The following RAB3GAP2 variants were observed in gnomAD, a reference collection of about 807,000 sequenced individuals.
RAB3GAP2 encodes the protein RAB3 GTPase activating non-catalytic protein subunit 2.
A neutral mutation model predicts 185.3 loss-of-function variants in RAB3GAP2; 87 were observed. The ratio of observed to expected loss-of-function variants is 0.47; its 90% CI spans 0.39 to 0.56. The LOEUF (loss-of-function observed/expected upper bound fraction) is 0.56. Ranked by LOEUF, RAB3GAP2 falls within the 20% of genes least tolerant of loss-of-function variation. The pLI is 0.00. For missense variants in RAB3GAP2, 1,492 were observed against 1,638.2 expected, an observed-to-expected ratio of 0.91 and a Z score of 1.54; for synonymous variants, 554 against 576.1, an observed-to-expected ratio of 0.96 and a Z score of 0.55.
intron 21 of RAB3GAP2, among the ~76,000 whole-genome samples, chr1:220,174,593 C>A (rs1313928337): frequency 6.6e-6 from 1 of 152,128 alleles, no homozygotes; most frequent in African/African-American, 2.4e-5. Context: ...ACTATAGTCA[C>A]CCTGTTGTGC....
At chr1:220,236,148 G>C (rs987967165) in intron 1 of RAB3GAP2, among the ~76,000 whole-genome samples, 1 of 152,018 alleles carries the variant, frequency 6.6e-6, no homozygotes, top group East Asian at 1.9e-4. Flanking sequence ...TTGCCAGTGG[G>C]GCAATACCCT....
intron 20 of RAB3GAP2, 117 bp from the exon 21 acceptor site, chr1:220,182,471 T>A: frequency 1.1e-4 from 148 of 1,331,352 alleles, no homozygotes; most frequent in Middle Eastern, 1.9e-4. Context: ...GGAAGAGAAA[T>A]TAATTGTTCA....
chr1:220,149,150 A>G lies in RAB3GAP2; in HGVS notation c.*2101T>C, dbSNP rs772737124. The G allele has an allele frequency of 8.5e-5, 13 of 152,104 alleles. No homozygotes were observed. The highest frequency in any genetic ancestry group is 7.4e-5 in the Non-Finnish European group (5 of 68,018). The allele number at this position is 152,104 out of a possible 1,614,324, so 9.4% of individuals were successfully genotyped here. A position where few individuals can be genotyped will look rare whatever the true frequency, so the allele number is the denominator to read the frequency against. On this transcript the variant is annotated 3_prime_UTR_variant, in exon 35 of 35. Transcript: ENST00000358951. ...ATTTGCCTTTCTTCCTATCAATCAG[A>G]TTTATTTATTTTAAAAGCCCTTGAT...
chr1:220,162,234 A>T lies in RAB3GAP2; in HGVS notation c.3189T>A (p.Val1063=), dbSNP rs773080420. 1 of 1,595,838 alleles carries T rather than the reference A, an allele frequency of 6.3e-7. No individual in the cohort carries two copies. Among genetic ancestry groups the T allele is most frequent in the South Asian group, 1.1e-5 (1 of 90,690 alleles). ...IALMMWNTFL[V]KRFSAATYLM... ...AGTATGTAGCAGCAGAAAATCTTTTAACTAAGAACGTATTCCACATCATCA... is the reference window on the plus strand; with the variant it reads ...AGTATGTAGCAGCAGAAAATCTTTTTACTAAGAACGTATTCCACATCATCA... The change falls in exon 28 of 35, where the codon GTT becomes GTA. Residue 1063 remains valine, a synonymous_variant. Transcript: ENST00000358951.
chr1:220,265,719 G>A lies in RAB3GAP2; in HGVS notation c.115+6504C>T, dbSNP rs1032994123. ...GTGGGAGGATCACTTAAGCCCAGGA[G>A]TTCAAGACCTGCTTGGGCAACACAG... On this transcript the variant is annotated intron_variant, in intron 1 of 34. Transcript: ENST00000358951. Among the ~76,000 whole-genome samples, 25 of 152,118 alleles carry A rather than the reference G, an allele frequency of 1.6e-4. No homozygotes were observed. The South Asian group carries it at 1.9e-3, about 11-fold the overall frequency.
At chr1:220,176,614 G>A (rs1165696784) in intron 21 of RAB3GAP2, among the ~76,000 whole-genome samples, 1 of 152,164 alleles carries the variant, frequency 6.6e-6, no homozygotes, top group Non-Finnish European at 1.5e-5. Flanking sequence ...TAGCCTTGTG[G>A]TGCTGCTCTC....
At chr1:220,204,743 C>G (rs371784038) in intron 8 of RAB3GAP2, among the ~76,000 whole-genome samples, 3 of 125,256 alleles carry the variant, frequency 2.4e-5, no homozygotes, top group Admixed American at 8.4e-5. Context: ...CCCCTCCCCC[C>G]ACCCCACAAC....
At chr1:220,194,261 A>G (rs1232183932) in intron 12 of RAB3GAP2, among the ~76,000 whole-genome samples, 1 of 151,986 alleles carries the variant, frequency 6.6e-6, no homozygotes, top group East Asian at 1.9e-4. Context: ...AAAAAAAGCA[A>G]CAAAAATCAT....
intron 2 of RAB3GAP2, among the ~76,000 whole-genome samples, chr1:220,225,444 T>C (rs1301986202): frequency 6.6e-6 from 1 of 152,182 alleles, no homozygotes; most frequent in Non-Finnish European, 1.5e-5. Flanking sequence ...ATCAGCGCTA[T>C]TGACATCTGG....
At chr1:220,258,611 C>A (rs1456898102) in intron 1 of RAB3GAP2, among the ~76,000 whole-genome samples, 2 of 152,172 alleles carry the variant, frequency 1.3e-5, no homozygotes, top group Admixed American at 6.5e-5. Context: ...CCTTGTATGA[C>A]AAACCCACAG....
At chr1:220,268,552 C>T (rs1429669847) in intron 1 of RAB3GAP2, among the ~76,000 whole-genome samples, 1 of 152,174 alleles carries the variant, frequency 6.6e-6, no homozygotes, top group Non-Finnish European at 1.5e-5. Flanking sequence ...GTACACATTG[C>T]TTTCACATTA....
intron 1 of RAB3GAP2, chr1:220,253,818 G>T: frequency 6.2e-7 from 1 of 1,612,282 alleles, no homozygotes; most frequent in Non-Finnish European, 8.5e-7. Context: ...ATCAGGAGCA[G>T]TATGCAGAGG....
At chr1:220,253,960 C>G (rs191795007) in intron 1 of RAB3GAP2, 24 of 1,613,642 alleles carry the variant, frequency 1.5e-5, no homozygotes, top group Admixed American at 1.2e-4. Context: ...TGAGACCCCT[C>G]AGCCTCCTTG....
intron 12 of RAB3GAP2, 146 bp from the exon 13 acceptor site, chr1:220,193,525 T>C: frequency 1.2e-6 from 1 of 812,506 alleles, no homozygotes. Context: ...GTTAATTTAT[T>C]AATCACAACT....
At chr1:220,211,172 A>G in intron 4 of RAB3GAP2, 170 bp from the exon 5 acceptor site, 2 of 713,140 alleles carry the variant, frequency 2.8e-6, no homozygotes, top group Non-Finnish European at 2.5e-6. Flanking sequence ...AAGGTCCATA[A>G]AATTCATTCA....
At chr1:220,242,618 G>A (rs1014457947) in intron 1 of RAB3GAP2, among the ~76,000 whole-genome samples, 1 of 152,100 alleles carries the variant, frequency 6.6e-6, no homozygotes, top group Non-Finnish European at 1.5e-5. Context: ...CTAGTATCAG[G>A]TATTGTTTTT....
intron 2 of RAB3GAP2, among the ~76,000 whole-genome samples, chr1:220,218,412 C>G (rs1478754498): frequency 6.6e-6 from 1 of 152,138 alleles, no homozygotes; most frequent in Admixed American, 6.5e-5. Context: ...CCATAAAATT[C>G]TAGATCTAAA....
At chr1:220,190,757 C>A (rs1658600871) in intron 14 of RAB3GAP2, among the ~76,000 whole-genome samples, 1 of 152,070 alleles carries the variant, frequency 6.6e-6, no homozygotes, top group Admixed American at 6.5e-5. Flanking sequence ...CAATGGCAAA[C>A]AAAGCATTCA....
chr1:220,210,210 G>A (rs1199799675), intron 7 of RAB3GAP2, among the ~76,000 whole-genome samples, 178 bp downstream of exon 7: 2 of 152,094 alleles, frequency 1.3e-5, no homozygotes. Context: ...ATAAGTAAAA[G>A]CAAGACTGGT....
Sources: gnomAD v4.1 joint callset for allele counts (sites outside exome capture counted in the v4.1 genomes callset) on GRCh38, gnomAD v4.1.1 for gene constraint, MANE v1.5 for transcripts, NCBI Gene and HGNC (gene_info 2026-07-23, HGNC 2026-07-21) for gene names.